The following CADM2 variants were observed in gnomAD, a reference collection of about 807,000 sequenced individuals.
CADM2 encodes cell adhesion molecule 2.
Under a neutral mutation model 49.8 loss-of-function variants are expected in CADM2, and 12 were observed. That is an observed-to-expected ratio of 0.24 (90% CI 0.15 to 0.39). The LOEUF is 0.39. Among genes scored for constraint, CADM2 ranks in the 10% least tolerant of loss-of-function variants. The pLI, the probability that CADM2 is intolerant of heterozygous loss-of-function variation, is 1.00. For synonymous variants in CADM2, 214 were observed against 175.4 expected (o/e 1.22, Z -1.74); for missense variants, 378 against 492.3 (o/e 0.77, Z 2.20).
intron 1 of CADM2, among the ~76,000 whole-genome samples, chr3:85,393,960 C>G (rs1700272358): frequency 6.6e-6 from 1 of 152,052 alleles, no homozygotes; most frequent in South Asian, 2.1e-4. Context: ...GCGCCCGTCA[C>G]CACGCCTCGC....
intron 8 of CADM2, among the ~76,000 whole-genome samples, chr3:86,039,294 G>A (rs1305548544): frequency 7.0e-6 from 1 of 143,220 alleles, no homozygotes; most frequent in Non-Finnish European, 1.5e-5. Context: ...GAAGTGAAAG[G>A]GGTCAGGGAA....
At chr3:85,653,825 C>A (rs1158724795) in intron 1 of CADM2, among the ~76,000 whole-genome samples, 2 of 152,048 alleles carry the variant, frequency 1.3e-5, no homozygotes, top group African/African-American at 4.8e-5. Flanking sequence ...GCTAATCCAG[C>A]AAACAGGGAA....
intron 1 of CADM2, among the ~76,000 whole-genome samples, chr3:85,276,156 A>G (rs1240507172): frequency 1.3e-5 from 2 of 151,312 alleles, no homozygotes; most frequent in Non-Finnish European, 3.0e-5. Context: ...CAAAGTTAAA[A>G]CAAAAACAAG....
At chr3:85,945,814 C>T (rs1262148834) in intron 7 of CADM2, among the ~76,000 whole-genome samples, 1 of 152,044 alleles carries the variant, frequency 6.6e-6, no homozygotes, top group African/African-American at 2.4e-5. Context: ...AAAACCACAG[C>T]CAATATCATA....
chr3:85,072,969 A>C (rs2062431), intron 1 of CADM2, among the ~76,000 whole-genome samples: 111,607 of 151,806 alleles, frequency 0.74, 42,099 homozygotes, highest in African/African-American at 0.89. Flanking sequence ...TAGGCTTAAA[A>C]CCCTCTCTTT....
intron 1 of CADM2, among the ~76,000 whole-genome samples, chr3:85,532,253 GGCA>G (rs1237767308): frequency 3.9e-5 from 6 of 152,112 alleles, no homozygotes; most frequent in Non-Finnish European, 5.9e-5. Flanking sequence ...GGAAACTGCA[GGCA>G]GTATTCTCCC....
chr3:85,661,247 G>C (rs2065392869), intron 1 of CADM2, among the ~76,000 whole-genome samples: 1 of 152,074 alleles, frequency 6.6e-6, no homozygotes, highest in South Asian at 2.1e-4. Flanking sequence ...TGCTGTGCAG[G>C]TTGTCAGCTT....
At chr3:85,531,030 A>G (rs2061298173) in intron 1 of CADM2, among the ~76,000 whole-genome samples, 1 of 152,144 alleles carries the variant, frequency 6.6e-6, no homozygotes, top group South Asian at 2.1e-4. Context: ...AAAATTGTGT[A>G]TGAAAGCTTC....
At chr3:85,292,922 C>T (rs2106943429) in intron 1 of CADM2, among the ~76,000 whole-genome samples, 1 of 151,806 alleles carries the variant, frequency 6.6e-6, no homozygotes, top group Non-Finnish European at 1.5e-5. Flanking sequence ...TAGCAGAAGG[C>T]AAGAAATAAC....
chr3:85,235,867 AAGTCAATCCTGT>A (rs940278043), intron 1 of CADM2, among the ~76,000 whole-genome samples: 1 of 152,100 alleles, frequency 6.6e-6, no homozygotes, highest in Admixed American at 6.6e-5. Context: ...GGATTTTTAA[AAGTCAATCCTGT>A]AGGTAACCAC....
intron 8 of CADM2, among the ~76,000 whole-genome samples, chr3:86,037,050 AGGACAAGTCTAACTTATCTATTTTATGT>A (rs1386232453): frequency 6.6e-6 from 1 of 152,176 alleles, no homozygotes; most frequent in Non-Finnish European, 1.5e-5. Context: ...ATTTTTAACC[AGGACAAGTCTAACTTATCTATTTTATGT>A]TTCTTATACA....
intron 1 of CADM2, among the ~76,000 whole-genome samples, chr3:85,144,710 G>A (rs1321816862): frequency 6.6e-6 from 1 of 151,998 alleles, no homozygotes; most frequent in Non-Finnish European, 1.5e-5. Flanking sequence ...TTATTCTTGA[G>A]TATTGGTTTT....
Position 85,769,266 on chromosome 3 carries a change from C to CGT in CADM2, c.89-32781_89-32780insGT, listed in dbSNP as rs1303710147. Reference sequence around the variant, plus strand: ...TATATACATATATAGTATATATACACATATATACATATATACATATATAGT... The same window carrying CGT: ...TATATACATATATAGTATATATACACGTATATATACATATATACATATATAGT... On this transcript the variant is annotated intron_variant, in intron 2 of 9. Coordinates refer to ENST00000383699, the MANE Select transcript of CADM2 (RefSeq NM_001167675.2). Among the ~76,000 whole-genome samples the CGT allele has an allele frequency of 9.7e-5, 9 of 92,814 alleles. 2 individuals are homozygous for CGT. The highest frequency in any genetic ancestry group is 5.5e-4 in the African/African-American group (9 of 16,388). The allele number at this position is 92,814 out of a possible 152,430, so 60.9% of individuals were successfully genotyped here.
intron 2 of CADM2, among the ~76,000 whole-genome samples, chr3:85,734,755 T>G (rs1489525201): frequency 6.7e-6 from 1 of 148,330 alleles, no homozygotes; most frequent in African/African-American, 2.5e-5. Context: ...TACATATATG[T>G]ATATATACAT....
chr3:85,312,227 T>G (rs1337099019), intron 1 of CADM2, among the ~76,000 whole-genome samples: 1 of 152,120 alleles, frequency 6.6e-6, no homozygotes, highest in East Asian at 1.9e-4. Flanking sequence ...AAAGATAATA[T>G]CAAGGGCATA....
chr3:85,900,081 C>G (rs1319597157), intron 5 of CADM2, among the ~76,000 whole-genome samples: 1 of 152,156 alleles, frequency 6.6e-6, no homozygotes, highest in Non-Finnish European at 1.5e-5. Flanking sequence ...TAAAATCTCT[C>G]AAGATATTAA....
At chr3:85,354,553 A>AATGCAT (rs1056580333) in intron 1 of CADM2, among the ~76,000 whole-genome samples, 4 of 149,662 alleles carry the variant, frequency 2.7e-5, no homozygotes, top group Admixed American at 6.8e-5. Context: ...ATAAAGTGTA[A>AATGCAT]ATGCATATGT....
chr3:85,298,430 A>T (rs2044018663), intron 1 of CADM2, among the ~76,000 whole-genome samples: 1 of 152,058 alleles, frequency 6.6e-6, no homozygotes, highest in Non-Finnish European at 1.5e-5. Context: ...TTCCACATAA[A>T]TATGTGTTAT....
At chr3:85,855,924 C>T (rs1348080052) in intron 3 of CADM2, among the ~76,000 whole-genome samples, 1 of 151,930 alleles carries the variant, frequency 6.6e-6, no homozygotes, top group Non-Finnish European at 1.5e-5. Context: ...CCATGCCCGG[C>T]CAAAAAATAT....
Sources: allele counts gnomAD v4.1 joint callset (sites outside exome capture counted in the v4.1 genomes callset), GRCh38; gene constraint gnomAD v4.1.1; transcripts MANE v1.5; gene names NCBI Gene and HGNC (gene_info 2026-07-23, HGNC 2026-07-21).